Variants in PPP1R1C observed in about 807,000 individuals in gnomAD.
PPP1R1C encodes the protein protein phosphatase 1 regulatory subunit 1C.
Under a neutral mutation model 17.4 loss-of-function variants are expected in PPP1R1C, and 15 were observed. The ratio of observed to expected loss-of-function variants is 0.86; its 90% CI spans 0.58 to 1.33. The LOEUF (loss-of-function observed/expected upper bound fraction) is 1.33. Among genes scored for constraint, PPP1R1C ranks in the 40% most tolerant of loss-of-function variants. PPP1R1C has a pLI of 0.00. For synonymous variants in PPP1R1C, 35 were observed against 43.1 expected, an observed-to-expected ratio of 0.81 and a Z score of 0.73; for missense variants, 143 against 130.0, an observed-to-expected ratio of 1.10 and a Z score of -0.48.
At chr2:182,014,342 C>T (rs746870493) in intron 2 of PPP1R1C, among the ~76,000 whole-genome samples, 10 of 152,150 alleles carry the variant, frequency 6.6e-5, no homozygotes, top group Non-Finnish European at 1.3e-4. Flanking sequence ...AGGGACTTTC[C>T]TAGATTACCT....
intron 2 of PPP1R1C, among the ~76,000 whole-genome samples, chr2:182,056,589 A>G (rs16822453): frequency 0.023 from 3,481 of 152,258 alleles, 135 homozygotes; most frequent in African/African-American, 0.079. Context: ...ATCTAAATTC[A>G]TCAAAAGTCT....
intron 4 of PPP1R1C, among the ~76,000 whole-genome samples, chr2:182,065,227 A>C (rs990124853): frequency 6.6e-6 from 1 of 152,096 alleles, no homozygotes; most frequent in African/African-American, 2.4e-5. Context: ...TAATTGTTTC[A>C]AGAGGATATC....
intron 4 of PPP1R1C, among the ~76,000 whole-genome samples, chr2:182,113,244 A>G (rs532335045): frequency 3.3e-5 from 5 of 152,354 alleles, no homozygotes; most frequent in African/African-American, 1.2e-4. Context: ...GCCTATACAC[A>G]TAAATGTCAG....
At chr2:182,009,414 C>A (rs1686026155) in intron 2 of PPP1R1C, among the ~76,000 whole-genome samples, 1 of 152,028 alleles carries the variant, frequency 6.6e-6, no homozygotes, top group African/African-American at 2.4e-5. Context: ...TACCTATTTG[C>A]CATTTGTATC....
intron 2 of PPP1R1C, among the ~76,000 whole-genome samples, chr2:182,049,332 CA>C (rs3064024): frequency 0.04 from 3,082 of 77,916 alleles, 22 homozygotes; most frequent in African/African-American, 0.078. Context: ...GATTCCATCT[CA>C]AAAAAAAAAA....
At chr2:182,097,995 C>T (rs1203303752) in intron 4 of PPP1R1C, among the ~76,000 whole-genome samples, 1 of 151,962 alleles carries the variant, frequency 6.6e-6, no homozygotes, top group Non-Finnish European at 1.5e-5. Context: ...CTTTTCTTCC[C>T]CCAGACACTG....
At chr2:182,018,038 A>G (rs540258094) in intron 2 of PPP1R1C, among the ~76,000 whole-genome samples, 1 of 152,312 alleles carries the variant, frequency 6.6e-6, no homozygotes, top group South Asian at 2.1e-4. Context: ...ACTAATCAAT[A>G]ATAGTTATTT....
chr2:182,063,609 T>C, intron 3 of PPP1R1C, 122 bp from the exon 4 acceptor site: 2 of 762,258 alleles, frequency 2.6e-6, no homozygotes, highest in South Asian at 1.5e-5. Flanking sequence ...TTCTATTTCA[T>C]GACAGGGAGA....
At chr2:181,978,898 C>G (rs901972548) in intron 2 of PPP1R1C, among the ~76,000 whole-genome samples, 1 of 152,064 alleles carries the variant, frequency 6.6e-6, no homozygotes, top group Non-Finnish European at 1.5e-5. Flanking sequence ...CTGAGCCTAG[C>G]TTTTGAGTCA....
At position 181,962,590 on chromosome 2, in the gene PPP1R1C, A is replaced by G. The variant is rs1006509476; in HGVS notation, n.111+7956A>G. 2 of 455,860 alleles carry G rather than the reference A, an allele frequency of 4.4e-6. No homozygotes were observed. The highest frequency in any genetic ancestry group is 3.3e-5 in the Admixed American group (1 of 30,384). The allele number at this position is 455,860 out of a possible 1,614,324, so 28.2% of individuals were successfully genotyped here. ...CAAGCTCAGATCGAACAAAGCAAAG[A>G]GCGGGAGGGGCCCTTGGGCCAAGTA... On this transcript the variant is annotated intron_variant and non_coding_transcript_variant, in intron 1 of 5. Coordinates refer to the PPP1R1C transcript ENST00000464264. This position sits in a 1 kb window ranked among gnomAD's most constrained non-coding sequence, Gnocchi z 6.0.
intron 4 of PPP1R1C, among the ~76,000 whole-genome samples, chr2:182,114,423 A>G (rs1281345345): frequency 6.6e-6 from 1 of 152,242 alleles, no homozygotes; most frequent in Non-Finnish European, 1.5e-5. Context: ...AGAAAATTAA[A>G]CACAAATTAT....
chr2:182,004,037 G>C (rs1165230452), intron 2 of PPP1R1C, among the ~76,000 whole-genome samples: 1 of 152,160 alleles, frequency 6.6e-6, no homozygotes, highest in East Asian at 1.9e-4. Flanking sequence ...TGACTGGAGA[G>C]CTCTAATTGT....
At chr2:181,994,634 C>A (rs767354025) in intron 2 of PPP1R1C, among the ~76,000 whole-genome samples, 1 of 152,150 alleles carries the variant, frequency 6.6e-6, no homozygotes, top group Non-Finnish European at 1.5e-5. Flanking sequence ...GTCTAATATT[C>A]TTCTCTTAGT....
chr2:181,964,998 A>G (rs1349008805), intron 1 of PPP1R1C, among the ~76,000 whole-genome samples: 1 of 152,068 alleles, frequency 6.6e-6, no homozygotes, highest in Non-Finnish European at 1.5e-5. Context: ...GAGCCATCGC[A>G]CTCGGCCCAA....
At chr2:182,122,464 G>A (rs1689756838), downstream of PPP1R1C, among the ~76,000 whole-genome samples, 1 of 151,916 alleles carries the variant, frequency 6.6e-6, no homozygotes, top group Non-Finnish European at 1.5e-5. Context: ...GTATATTTTA[G>A]GTTTATTTAA....
chr2:181,987,198 A>G (rs186172343), intron 1 of PPP1R1C, among the ~76,000 whole-genome samples: 34 of 152,226 alleles, frequency 2.2e-4, no homozygotes, highest in African/African-American at 7.5e-4. Flanking sequence ...TGAATATAAT[A>G]AACAAATAAA....
chr2:182,072,373 A>T (rs1355396122), intron 4 of PPP1R1C, among the ~76,000 whole-genome samples: 1 of 152,242 alleles, frequency 6.6e-6, no homozygotes, highest in Non-Finnish European at 1.5e-5. Flanking sequence ...TAAATCAAAG[A>T]TTTTAAAAAA....
rs1217184837 is a variant in PPP1R1C, at chr2:181,957,795, A to G, written n.111+3161A>G. Reference sequence around the variant, plus strand: ...CGCCTTACCCCATACTCATCAGCCAATGTTGATTCTTCTGGTGGCTGAGGG... The same window carrying G: ...CGCCTTACCCCATACTCATCAGCCAGTGTTGATTCTTCTGGTGGCTGAGGG... On this transcript the variant is annotated intron_variant and non_coding_transcript_variant, in intron 1 of 5. Transcript: ENST00000464264. This position sits in a 1 kb window ranked among gnomAD's most constrained non-coding sequence, Gnocchi z 4.2. 6.6e-6 allele frequency among the ~76,000 whole-genome samples: 1 copy of G among 152,106 alleles called. No homozygotes were observed. Among genetic ancestry groups the G allele is most frequent in the Admixed American group, 6.5e-5 (1 of 15,274 alleles).
At chr2:182,077,140 C>T (rs776891764) in intron 4 of PPP1R1C, among the ~76,000 whole-genome samples, 2 of 152,160 alleles carry the variant, frequency 1.3e-5, no homozygotes, top group Non-Finnish European at 2.9e-5. Flanking sequence ...AAAACGAAAA[C>T]TCTCTTTTAT....
Sources: allele counts gnomAD v4.1 joint callset (sites outside exome capture counted in the v4.1 genomes callset), GRCh38; gene constraint gnomAD v4.1.1; non-coding constraint Gnocchi (gnomAD v3.1); transcripts MANE v1.5; gene names NCBI Gene and HGNC (gene_info 2026-07-23, HGNC 2026-07-21).